CRYBG3: variants seen among roughly 807,000 people sequenced by gnomAD.
CRYBG3 encodes crystallin beta-gamma domain containing 3.
In CRYBG3, 127 loss-of-function variants were observed where a neutral mutation model predicts 244.2. That is an observed-to-expected ratio of 0.52 (90% CI 0.45 to 0.60). CRYBG3 has a LOEUF of 0.60. Among genes scored for constraint, CRYBG3 ranks in the 20% least tolerant of loss-of-function variants. The probability of loss-of-function intolerance (pLI) is 0.00; values close to 1 mark genes in which losing one functional copy is unlikely to be tolerated. For synonymous variants in CRYBG3, 1,132 were observed against 1,195.8 expected, an observed-to-expected ratio of 0.95 and a Z score of 1.10; for missense variants, 3,325 against 3,442.5, an observed-to-expected ratio of 0.97 and a Z score of 0.85.
intron 17 of CRYBG3, among the ~76,000 whole-genome samples, chr3:97,923,665 A>G (rs1220154841): frequency 6.6e-6 from 1 of 152,138 alleles, no homozygotes; most frequent in East Asian, 1.9e-4. Context: ...ATAAATTATT[A>G]GGGCTAAAGC....
At chr3:97,828,402 C>T (rs1414788481) in intron 1 of CRYBG3, among the ~76,000 whole-genome samples, 4 of 151,894 alleles carry the variant, frequency 2.6e-5, no homozygotes, top group Non-Finnish European at 4.4e-5. Context: ...GAGTAGAATG[C>T]CATTCAATTG....
At position 97,877,445 on chromosome 3, in the gene CRYBG3, C is replaced by G; in HGVS notation, c.6251C>G (p.Ala2084Gly). Residue 2084 changes from alanine (A) to glycine (G), a missense_variant, in exon 4 of 22, where the codon GCA (alanine) becomes GGA (glycine). Physicochemically the swap from Ala to Gly is moderately conservative, Grantham distance 60 (BLOSUM62 0). Around this residue, in one of 4 missense-constraint regions of CRYBG3, gnomAD observed 450 missense variants for 424.1 expected, o/e 1.06. Transcript: ENST00000389622. The part of the protein sequence containing the change: ...EAKRYKIYPL[A>G]LSPIYEDDSS... ...AAAAGGTACAAAATTTATCCTTTAG[C>G]ATTGTCTCCCATTTATGAGGATGAC... 1 of 1,614,142 alleles carries G rather than the reference C, an allele frequency of 6.2e-7. No individual in the cohort carries two copies. Among genetic ancestry groups the G allele is most frequent in the Non-Finnish European group, 8.5e-7 (1 of 1,179,992 alleles).
At chr3:97,853,269 C>T (rs1365143223) in intron 2 of CRYBG3, among the ~76,000 whole-genome samples, 1 of 144,402 alleles carries the variant, frequency 6.9e-6, no homozygotes, top group East Asian at 2.1e-4. Flanking sequence ...GTTTGGTTTT[C>T]CATTCCTGAG....
At chr3:97,913,271 C>A (rs2039892937) in intron 16 of CRYBG3, among the ~76,000 whole-genome samples, 1 of 152,176 alleles carries the variant, frequency 6.6e-6, no homozygotes, top group African/African-American at 2.4e-5. Flanking sequence ...CATCAACTAG[C>A]CTCCTTTCCC....
At chr3:97,867,331 G>A (rs1189767419) in intron 3 of CRYBG3, among the ~76,000 whole-genome samples, 1 of 152,176 alleles carries the variant, frequency 6.6e-6, no homozygotes, top group East Asian at 1.9e-4. Flanking sequence ...GCTTTGAAGA[G>A]AGTGAGCAAG....
chr3:97,908,098 T>C (rs947922623), intron 15 of CRYBG3, among the ~76,000 whole-genome samples: 3 of 152,254 alleles, frequency 2.0e-5, no homozygotes, highest in African/African-American at 7.2e-5. Context: ...TTGATTGCAC[T>C]GTGGTCTGAG....
intron 18 of CRYBG3, among the ~76,000 whole-genome samples, chr3:97,935,754 C>T (rs936154337): frequency 6.6e-6 from 1 of 152,060 alleles, no homozygotes; most frequent in African/African-American, 2.4e-5. Flanking sequence ...CCCTGGATGA[C>T]CCTGTTCCTG....
rs1482037888 is a variant in CRYBG3, at chr3:97,944,851, AAAG to A, written c.*1541_*1543del. 5.8e-6 allele frequency: 1 copy of A among 172,752 alleles called. No individual in the cohort carries two copies. Among genetic ancestry groups the A allele is most frequent in the South Asian group, 1.9e-4 (1 of 5,146 alleles). 10.7% of individuals were successfully genotyped at this position (172,752 alleles called of 1,614,324 possible). A position where few individuals can be genotyped will look rare whatever the true frequency, so the allele number is the denominator to read the frequency against. ...TTTTCTAGAGCCAAAGAAGCTCTTTAAAGAAGTTGTTTCTTCCAAAGAACAAAG... is the reference window on the plus strand; with the variant it reads ...TTTTCTAGAGCCAAAGAAGCTCTTTAAAGTTGTTTCTTCCAAAGAACAAAG... On this transcript the variant is annotated 3_prime_UTR_variant, in exon 22 of 22. Transcript: ENST00000389622.
intron 1 of CRYBG3, among the ~76,000 whole-genome samples, chr3:97,825,028 G>A (rs763686445): frequency 3.9e-5 from 6 of 152,190 alleles, no homozygotes; most frequent in Non-Finnish European, 5.9e-5. Flanking sequence ...GGAAGAGAGA[G>A]AATAGGGAAC....
intron 15 of CRYBG3, among the ~76,000 whole-genome samples, chr3:97,903,467 C>A (rs1180063739): frequency 6.6e-6 from 1 of 151,940 alleles, no homozygotes; most frequent in Non-Finnish European, 1.5e-5. Flanking sequence ...TATAACACTA[C>A]AATATGAGAA....
At chr3:97,845,929 G>A (rs555346682) in intron 2 of CRYBG3, among the ~76,000 whole-genome samples, 1 of 152,114 alleles carries the variant, frequency 6.6e-6, no homozygotes, top group Non-Finnish European at 1.5e-5. Context: ...ATGAAAGTCT[G>A]TCTTAAGCAT....
chr3:97,881,673 G>A (rs948829643), intron 7 of CRYBG3, among the ~76,000 whole-genome samples: 4 of 151,600 alleles, frequency 2.6e-5, no homozygotes, highest in South Asian at 2.1e-4. Flanking sequence ...TCAGGATCAC[G>A]CCACTGCACT....
At chr3:97,846,531 TG>T (rs2038904274) in intron 2 of CRYBG3, among the ~76,000 whole-genome samples, 2 of 152,338 alleles carry the variant, frequency 1.3e-5, no homozygotes, top group South Asian at 4.1e-4. Context: ...TCTTCGGAGA[TG>T]TTTTTTCAGT....
At chr3:97,888,859 T>C (rs1455317864) in intron 9 of CRYBG3, among the ~76,000 whole-genome samples, 1 of 152,176 alleles carries the variant, frequency 6.6e-6, no homozygotes, top group East Asian at 1.9e-4. Flanking sequence ...AGACAGTGCA[T>C]GTGAGAAAAA....
chr3:97,843,192 C>A lies in CRYBG3; in HGVS notation c.150-3C>A. Reference sequence around the variant, plus strand: ...AAAAGAAACTGTGGTTTTTATTTTTCAGTGTTGAAAATGAGCCCATGAGCA... The same window carrying A: ...AAAAGAAACTGTGGTTTTTATTTTTAAGTGTTGAAAATGAGCCCATGAGCA... On this transcript the variant is annotated splice_polypyrimidine_tract_variant and splice_region_variant and intron_variant, in intron 1 of 21. Coordinates refer to ENST00000389622, the MANE Select transcript of CRYBG3 (RefSeq NM_153605.4). The A allele has an allele frequency of 6.7e-7, 1 of 1,495,484 alleles. No homozygotes were observed. Among genetic ancestry groups the A allele is most frequent in the Non-Finnish European group, 8.9e-7 (1 of 1,126,082 alleles). 92.6% of individuals were successfully genotyped at this position (1,495,484 alleles called of 1,614,324 possible). A position where few individuals can be genotyped will look rare whatever the true frequency, so the allele number is the denominator to read the frequency against.
Position 97,903,999 on chromosome 3 carries a change from C to T in CRYBG3, c.8004+3514C>T, listed in dbSNP as rs562661242. ...TCATCTCTTATTTGTCAATTTGCCT[C>T]GGTTTTAAGCAACCTGAGTTGTTTT... is the stretch of plus-strand genomic sequence containing the variant. On this transcript the variant is annotated intron_variant, in intron 15 of 21. Transcript: ENST00000389622. Among the ~76,000 whole-genome samples, 391 of 152,240 alleles carry T rather than the reference C, an allele frequency of 2.6e-3. 2 individuals are homozygous for T. The highest frequency in any genetic ancestry group is 8.0e-3 in the African/African-American group (333 of 41,558).
intron 4 of CRYBG3, among the ~76,000 whole-genome samples, chr3:97,878,870 A>T (rs2039414022): frequency 6.6e-6 from 1 of 152,200 alleles, no homozygotes; most frequent in Admixed American, 6.5e-5. Flanking sequence ...GTTTTCTTTG[A>T]TTTAGAAATA....
At position 97,822,285 on chromosome 3, in the gene CRYBG3, G is replaced by C. The variant is rs771392693; in HGVS notation, c.79G>C (p.Asp27His). ...CTTCGCTCCCCGAAGTCCTTCCCGG[G>C]ACAAGGAAGAGGAAGAGGAGGAGAG... ...RFFAPRSPSR[D>H]KEEEEEERPG... is the part of the protein sequence containing the mutation. The change falls in exon 1 of 22, where the codon GAC becomes CAC. Residue 27 changes from aspartate to histidine, a missense_variant. Coordinates refer to ENST00000389622, the MANE Select transcript of CRYBG3 (RefSeq NM_153605.4). The C allele has an allele frequency of 6.5e-7, 1 of 1,531,092 alleles. No individual in the cohort carries two copies. The highest frequency in any genetic ancestry group is 1.2e-5 in the South Asian group (1 of 83,400). 94.8% of individuals were successfully genotyped at this position (1,531,092 alleles called of 1,614,324 possible).
chr3:97,843,164 T>C, intron 1 of CRYBG3, 31 bp from the exon 2 acceptor site: 3 of 1,417,808 alleles, frequency 2.1e-6, no homozygotes, highest in South Asian at 1.3e-5. Context: ...TTCTTTTAAT[T>C]TCAAAAGAAA....
Sources: allele counts gnomAD v4.1 joint callset (sites outside exome capture counted in the v4.1 genomes callset), GRCh38; gene constraint gnomAD v4.1.1; regional missense constraint gnomAD v4.1.1; transcripts MANE v1.5; gene names NCBI Gene and HGNC (gene_info 2026-07-23, HGNC 2026-07-21).